Variants in ZNF622 observed in about 807,000 individuals in gnomAD.
The protein encoded by ZNF622 is zinc finger protein 622.
ZNF622 carries 34 observed loss-of-function variants against 49.7 expected under a neutral mutation model. That is an observed-to-expected ratio of 0.68 (90% CI 0.52 to 0.91). ZNF622 has a LOEUF of 0.91. Ranked by LOEUF, ZNF622 falls within the 40% of genes least tolerant of loss-of-function variation. The pLI is 0.00. For missense variants in ZNF622, 569 were observed against 616.4 expected (o/e 0.92, Z 0.81); for synonymous variants, 209 against 228.7 (o/e 0.91, Z 0.78).
In ZNF622 at chr5:16,463,430, T is replaced by C; in HGVS notation, c.886+52A>G. ...AAAACTAATGTTCCCTTGAGACCAG[T>C]CCCCCAATAATGTGATTATTTCCTC... On this transcript the variant is annotated intron_variant, in intron 2 of 5. Coordinates refer to ENST00000308683, the MANE Select transcript of ZNF622 (RefSeq NM_033414.3). This position sits in a 1 kb window ranked among gnomAD's most constrained non-coding sequence, Gnocchi z 4.2. 1 of 1,551,308 alleles carries C rather than the reference T, an allele frequency of 6.4e-7. No individual in the cohort carries two copies. Among genetic ancestry groups the C allele is most frequent in the Non-Finnish European group, 8.8e-7 (1 of 1,141,690 alleles).
intron 3 of ZNF622, among the ~76,000 whole-genome samples, chr5:16,461,076 A>C (rs1483472419): frequency 6.6e-6 from 1 of 152,246 alleles, no homozygotes; most frequent in Non-Finnish European, 1.5e-5. Context: ...AAAAGGCCAC[A>C]CTGAGAAGGT....
chr5:16,455,035 T>A (rs1738003190), intron 4 of ZNF622, among the ~76,000 whole-genome samples: 1 of 152,194 alleles, frequency 6.6e-6, no homozygotes. Flanking sequence ...TTCACAAGAA[T>A]ATTAATTAGG....
chr5:16,461,077 C>G (rs1257658692), intron 3 of ZNF622, among the ~76,000 whole-genome samples: 1 of 152,176 alleles, frequency 6.6e-6, no homozygotes, highest in Non-Finnish European at 1.5e-5. Flanking sequence ...AAAGGCCACA[C>G]TGAGAAGGTG....
At chr5:16,462,304 T>C (rs1279904537) in intron 3 of ZNF622, among the ~76,000 whole-genome samples, 1 of 152,236 alleles carries the variant, frequency 6.6e-6, no homozygotes, top group South Asian at 2.1e-4. Flanking sequence ...CACAGGAATT[T>C]TGACAACTAG....
rs1737933346 is a variant in ZNF622, at chr5:16,451,595, A to G, written c.*62T>C. 3 of 1,584,832 alleles carry G rather than the reference A, an allele frequency of 1.9e-6. No individual in the cohort carries two copies. In the South Asian group the frequency reaches 3.5e-5, roughly 19 times the overall value. On this transcript the variant is annotated 3_prime_UTR_variant, in exon 6 of 6. Coordinates refer to ENST00000308683, the MANE Select transcript of ZNF622 (RefSeq NM_033414.3). ...GGGTCTCTCCTATGATCTGTCTTTC[A>G]CTGGTCCTCAGGGCAAGGAGGAAAC...
Position 16,463,068 on chromosome 5 carries a change from A to G in ZNF622, c.1049+40T>C, listed in dbSNP as rs1166103270. The G allele has an allele frequency of 1.3e-6, 2 of 1,584,672 alleles. No homozygotes were observed. The highest frequency in any genetic ancestry group is 1.7e-6 in the Non-Finnish European group (2 of 1,168,412). On this transcript the variant is annotated intron_variant, in intron 3 of 5. Coordinates refer to ENST00000308683, the MANE Select transcript of ZNF622 (RefSeq NM_033414.3). The surrounding 1 kb of genome is among the most constrained non-coding windows in gnomAD (Gnocchi z 4.2). ...ACACCTAATAATCACTTCAAAGCAA[A>G]TATGACCTCACTTTACTTCATATTA...
At position 16,465,794 on chromosome 5, in the gene ZNF622, T is replaced by G. The variant is rs534847068; in HGVS notation, c.-129A>C. 88 of 1,275,304 alleles carry G rather than the reference T, an allele frequency of 6.9e-5. No homozygotes were observed. In the African/African-American group the frequency reaches 1.2e-3, roughly 17 times the overall value. The allele number at this position is 1,275,304 out of a possible 1,614,324, so 79.0% of individuals were successfully genotyped here. On this transcript the variant is annotated 5_prime_UTR_variant, in exon 1 of 6. Transcript: ENST00000308683. This position sits in a 1 kb window ranked among gnomAD's most constrained non-coding sequence, Gnocchi z 6.2. ...CCACTCGACACGCCGACTTCCTGATTGTCACTGAGGAAACTTCCGGCACAC... is the reference window on the plus strand; with the variant it reads ...CCACTCGACACGCCGACTTCCTGATGGTCACTGAGGAAACTTCCGGCACAC...
rs116520714 is a variant in ZNF622, at chr5:16,461,962, T to C, written c.1049+1146A>G. 4.5e-3 allele frequency among the ~76,000 whole-genome samples: 687 copies of C among 152,302 alleles called. 4 individuals carry two copies. Among genetic ancestry groups the C allele is most frequent in the African/African-American group, 0.016 (656 of 41,568 alleles). ...GCAGCTGCTTAACTATCCATGGTAT[T>C]TGCTTTGACCACTCTGATTACAACA... On this transcript the variant is annotated intron_variant, in intron 3 of 5. Transcript: ENST00000308683.
chr5:16,454,866 T>C (rs1738000308), intron 4 of ZNF622, among the ~76,000 whole-genome samples: 1 of 152,162 alleles, frequency 6.6e-6, no homozygotes, highest in Non-Finnish European at 1.5e-5. Flanking sequence ...TCCCAACCCA[T>C]GTGTCATAAG....
intron 1 of ZNF622, among the ~76,000 whole-genome samples, chr5:16,464,010 G>A (rs959920571): frequency 2.6e-5 from 4 of 152,168 alleles, no homozygotes; most frequent in African/African-American, 7.2e-5. Context: ...ACCTAGCCCA[G>A]TGCTGAAAAT....
At position 16,454,963 on chromosome 5, in the gene ZNF622, T is replaced by G. The variant is rs149219292; in HGVS notation, c.1163-1807A>C. Among the ~76,000 whole-genome samples the G allele has an allele frequency of 5.9e-5, 9 of 152,338 alleles. No homozygotes were observed. In the East Asian group the frequency reaches 1.7e-3, roughly 29 times the overall value. On this transcript the variant is annotated intron_variant, in intron 4 of 5. Transcript: ENST00000308683. ...AGCAGTGGCTCTCCAAAGGTGGTCA[T>G]CAGCATTGCAAAGCCAGTGTCATCA...
At chr5:16,461,702 C>T (rs1209476722) in intron 3 of ZNF622, among the ~76,000 whole-genome samples, 1 of 152,160 alleles carries the variant, frequency 6.6e-6, no homozygotes, top group African/African-American at 2.4e-5. Context: ...GGATGCATAG[C>T]AGGAGTTGAT....
In ZNF622 at chr5:16,465,315, T is replaced by A. The variant is rs1738198895; in HGVS notation, c.351A>T (p.Gly117=). The A allele has an allele frequency of 6.2e-7, 1 of 1,614,140 alleles. No individual in the cohort carries two copies. The highest frequency in any genetic ancestry group is 1.3e-5 in the African/African-American group (1 of 74,958). Residue 117 remains glycine, a synonymous_variant, in exon 1 of 6, where the codon GGA becomes GGT. Coordinates refer to ENST00000308683, the MANE Select transcript of ZNF622 (RefSeq NM_033414.3). The surrounding 1 kb of genome is among the most constrained non-coding windows in gnomAD (Gnocchi z 6.2). ...CCTTGTCCACACTGTCCACGCCCAG[T>A]CCTTTCTCCAAGTTCTTTTCATTCA... ...EMMNEKNLEK[G]LGVDSVDKDA... is the part of the protein sequence containing the mutation.
chr5:16,458,917 T>A (rs965667307), intron 3 of ZNF622, among the ~76,000 whole-genome samples: 2 of 152,214 alleles, frequency 1.3e-5, no homozygotes, highest in Non-Finnish European at 2.9e-5. Context: ...GCAGCTATAC[T>A]CAATTTAACC....
At chr5:16,461,765 G>A (rs1431078602) in intron 3 of ZNF622, among the ~76,000 whole-genome samples, 3 of 152,170 alleles carry the variant, frequency 2.0e-5, no homozygotes, top group African/African-American at 7.2e-5. Context: ...AAATATCAAG[G>A]AGGCAGCTGG....
chr5:16,463,013 T>G lies in ZNF622; in HGVS notation c.1049+95A>C, dbSNP rs1738145406. 1.5e-6 allele frequency: 2 copies of G among 1,324,460 alleles called. No individual in the cohort carries two copies. The highest frequency in any genetic ancestry group is 3.0e-5 in the African/African-American group (2 of 67,758). 82.0% of individuals were successfully genotyped at this position (1,324,460 alleles called of 1,614,324 possible). A position where few individuals can be genotyped will look rare whatever the true frequency, so the allele number is the denominator to read the frequency against. Reference sequence around the variant, plus strand: ...GTTATAAGTGTTATTAAGGATATGTTGTACAGTGCCAAACATATCCAGCAC... The same window carrying G: ...GTTATAAGTGTTATTAAGGATATGTGGTACAGTGCCAAACATATCCAGCAC... On this transcript the variant is annotated intron_variant, in intron 3 of 5. Coordinates refer to ENST00000308683, the MANE Select transcript of ZNF622 (RefSeq NM_033414.3). The surrounding 1 kb of genome is among the most constrained non-coding windows in gnomAD (Gnocchi z 4.2).
At position 16,451,723 on chromosome 5, in the gene ZNF622, C is replaced by T. The variant is rs1283427183; in HGVS notation, c.1368G>A (p.Met456Ile). Residue 456 changes from methionine to isoleucine, a missense_variant, in exon 6 of 6, where the codon ATG becomes ATA. By Grantham distance (10) the Met-to-Ile change is conservative (BLOSUM62 1). Coordinates refer to ENST00000308683, the MANE Select transcript of ZNF622 (RefSeq NM_033414.3). Reference protein sequence around the residue: ...QYVQRMKSKWMLKTGMKNNAT... With the variant: ...QYVQRMKSKWILKTGMKNNAT... The stretch of plus-strand genomic sequence containing the variant: ...CATTGTTCTTCATTCCTGTCTTCAG[C>T]ATCCATTTTGATTTCATCCTTTGGA... 4 of 1,614,036 alleles carry T rather than the reference C, an allele frequency of 2.5e-6. No homozygotes were observed. The African/African-American group carries it at 4.0e-5, about 16-fold the overall frequency.
chr5:16,457,667 C>A lies in ZNF622; in HGVS notation c.1162+850G>T, dbSNP rs142489193. On this transcript the variant is annotated intron_variant, in intron 4 of 5. Transcript: ENST00000308683. ...GCCATAAGACAAGGCTGCTTCATTG[C>A]GGACCTCTCCACCAGCAGGGTGTGT... Among the ~76,000 whole-genome samples, 831 of 152,270 alleles carry A rather than the reference C, an allele frequency of 5.5e-3. 19 individuals carry two copies. The highest frequency in any genetic ancestry group is 0.048 in the Admixed American group (728 of 15,304).
At chr5:16,462,983 G>A (rs1738144891) in intron 3 of ZNF622, 125 bp downstream of exon 3, 1 of 908,420 alleles carries the variant, frequency 1.1e-6, no homozygotes, top group African/African-American at 1.7e-5. Context: ...ACCTAATACA[G>A]AGGTGTTATA....
Sources: gnomAD v4.1 joint callset for allele counts (sites outside exome capture counted in the v4.1 genomes callset) on GRCh38, gnomAD v4.1.1 for gene constraint, Gnocchi (gnomAD v3.1) non-coding constraint, MANE v1.5 for transcripts, NCBI Gene and HGNC (gene_info 2026-07-23, HGNC 2026-07-21) for gene names.